The following THSD7A variants were observed in gnomAD, a reference collection of about 807,000 sequenced individuals.
THSD7A encodes the protein thrombospondin type 1 domain containing 7A.
Under a neutral mutation model 231.3 loss-of-function variants are expected in THSD7A, and 96 were observed. The ratio of observed to expected loss-of-function variants is 0.41; its 90% CI spans 0.35 to 0.49. THSD7A has a LOEUF of 0.49. Among genes scored for constraint, THSD7A ranks in the 20% least tolerant of loss-of-function variants. The pLI is 0.05. For missense variants in THSD7A, 2,290 were observed against 2,070.2 expected (o/e 1.11, Z -2.06); for synonymous variants, 940 against 743.3 (o/e 1.26, Z -4.30).
chr7:11,663,583 A>G (rs753330506), intron 1 of THSD7A, among the ~76,000 whole-genome samples: 2 of 151,686 alleles, frequency 1.3e-5, no homozygotes, highest in African/African-American at 4.8e-5. Context: ...CTGAGAAGAC[A>G]TATTACAAGG....
At chr7:11,638,174 T>C (rs934311934) in intron 1 of THSD7A, among the ~76,000 whole-genome samples, 1 of 152,194 alleles carries the variant, frequency 6.6e-6, no homozygotes, top group Non-Finnish European at 1.5e-5. Context: ...TAAGATTATG[T>C]CTGCAAGAGG....
chr7:11,667,757 T>C (rs938827594), intron 1 of THSD7A, among the ~76,000 whole-genome samples: 1 of 152,162 alleles, frequency 6.6e-6, no homozygotes, highest in Non-Finnish European at 1.5e-5. Context: ...ATCATGATTC[T>C]TTCAGAATCC....
chr7:11,596,561 C>A (rs1019653308), intron 2 of THSD7A, among the ~76,000 whole-genome samples: 1 of 152,152 alleles, frequency 6.6e-6, no homozygotes, highest in Admixed American at 6.5e-5. Flanking sequence ...AAACGGAAGC[C>A]ATTAGAGCTG....
At chr7:11,799,964 A>G (rs1379687446) in intron 1 of THSD7A, among the ~76,000 whole-genome samples, 1 of 152,210 alleles carries the variant, frequency 6.6e-6, no homozygotes, top group Non-Finnish European at 1.5e-5. Flanking sequence ...CACATTTAAA[A>G]ATAACATAGA....
At position 11,426,587 on chromosome 7, in the gene THSD7A, G is replaced by A; in HGVS notation, c.3249+79C>T. 3.6e-6 allele frequency: 5 copies of A among 1,389,110 alleles called. No homozygotes were observed. The East Asian group carries it at 1.3e-4, about 35-fold the overall frequency. 86.0% of individuals were successfully genotyped at this position (1,389,110 alleles called of 1,614,324 possible). ...TAAAACATAAAAGACAAAGCAAGAA[G>A]AGAAATGTATTCTCAGAAATCAGGA... is the stretch of plus-strand genomic sequence containing the variant. On this transcript the variant is annotated intron_variant, in intron 15 of 27. Transcript: ENST00000423059.
rs149206873 is a variant in THSD7A at position 11,753,239 on chromosome 7, A to G, written c.190+78518T>C. ...GCTTATATGAAAATTATTGTTTTCC[A>G]CTGAATGTGATGATCTTTAAAATTA... On this transcript the variant is annotated intron_variant, in intron 1 of 27. Transcript: ENST00000423059. Among the ~76,000 whole-genome samples, 963 of 152,174 alleles carry G rather than the reference A, an allele frequency of 6.3e-3. 9 individuals are homozygous for G. The highest frequency in any genetic ancestry group is 0.022 in the African/African-American group (921 of 41,540).
chr7:11,429,932 T>C (rs1307279168), intron 13 of THSD7A, among the ~76,000 whole-genome samples: 1 of 152,252 alleles, frequency 6.6e-6, no homozygotes. Flanking sequence ...GGGAGTATTT[T>C]CTTTCAATAC....
At chr7:11,752,306 T>G (rs914945643) in intron 1 of THSD7A, among the ~76,000 whole-genome samples, 1 of 152,032 alleles carries the variant, frequency 6.6e-6, no homozygotes, top group African/African-American at 2.4e-5. Context: ...TATTTTTCCA[T>G]GCCTCGACAT....
intron 4 of THSD7A, among the ~76,000 whole-genome samples, chr7:11,583,420 G>T (rs548576138): frequency 6.6e-6 from 1 of 152,160 alleles, no homozygotes; most frequent in African/African-American, 2.4e-5. Context: ...GGGACTACAG[G>T]TGCATGCCAT....
At chr7:11,443,533 A>G (rs2128293705) in intron 13 of THSD7A, among the ~76,000 whole-genome samples, 1 of 152,162 alleles carries the variant, frequency 6.6e-6, no homozygotes, top group Non-Finnish European at 1.5e-5. Flanking sequence ...TCAGCAATGC[A>G]TGTATATTAA....
intron 1 of THSD7A, among the ~76,000 whole-genome samples, chr7:11,824,036 A>T (rs1276027813): frequency 6.6e-6 from 1 of 152,126 alleles, no homozygotes; most frequent in Non-Finnish European, 1.5e-5. Flanking sequence ...TACTGTGACA[A>T]CATTTAATGC....
At chr7:11,449,637 T>C (rs777782706) in intron 11 of THSD7A, among the ~76,000 whole-genome samples, 1 of 151,986 alleles carries the variant, frequency 6.6e-6, no homozygotes, top group Non-Finnish European at 1.5e-5. Flanking sequence ...AGAACATCCA[T>C]ATAGTTTAGA....
chr7:11,416,468 A>G lies in THSD7A; in HGVS notation c.3537+982T>C, dbSNP rs78208269. Among the ~76,000 whole-genome samples, 13 of 152,358 alleles carry G rather than the reference A, an allele frequency of 8.5e-5. No homozygotes were observed. In the East Asian group the frequency reaches 1.5e-3, roughly 18 times the overall value. ...CTGATCCTTTGAAATTAGAACAGAA[A>G]ATCAATTGTATATCCTTGTGAAACA... On this transcript the variant is annotated intron_variant, in intron 17 of 27. Coordinates refer to ENST00000423059, the MANE Select transcript of THSD7A (RefSeq NM_015204.3).
Position 11,814,341 on chromosome 7 carries a change from G to C in THSD7A, c.190+17416C>G. Reference sequence around the variant, plus strand: ...GATGGCAATCCCAAGTATTCAGCACGTGACAAACAAAGGAGATTCATCTCA... The same window carrying C: ...GATGGCAATCCCAAGTATTCAGCACCTGACAAACAAAGGAGATTCATCTCA... On this transcript the variant is annotated intron_variant, in intron 1 of 27. Coordinates refer to ENST00000423059, the MANE Select transcript of THSD7A (RefSeq NM_015204.3). This position sits in a 1 kb window ranked among gnomAD's most constrained non-coding sequence, Gnocchi z 5.1. Among the ~76,000 whole-genome samples, 1 of 152,288 alleles carries C rather than the reference G, an allele frequency of 6.6e-6. No homozygotes were observed. The highest frequency in any genetic ancestry group is 1.9e-4 in the East Asian group (1 of 5,178).
chr7:11,384,764 G>C (rs1388698014), intron 23 of THSD7A: 1 of 151,902 alleles, frequency 6.6e-6, no homozygotes, highest in Admixed American at 6.6e-5. Flanking sequence ...ATAAAGCCAT[G>C]TAAGTCCCTT....
intron 1 of THSD7A, among the ~76,000 whole-genome samples, chr7:11,786,628 T>TTTTTTTTTTTTTTTTG (rs1562555257): frequency 6.6e-6 from 1 of 151,802 alleles, no homozygotes; most frequent in African/African-American, 2.4e-5. Context: ...TCTAACTTCT[T>TTTTTTTTTTTTTTTTG]AACGGAATAA....
rs553358198 is a variant in THSD7A at position 11,817,543 on chromosome 7, C to T, written c.190+14214G>A. 4.6e-5 allele frequency among the ~76,000 whole-genome samples: 7 copies of T among 152,154 alleles called. No homozygotes were observed. In the South Asian group the frequency reaches 1.2e-3, roughly 27 times the overall value. ...GAAGCTTGACATTCATATGCAGATC[C>T]AAGGAGGAAGAGGAATCAAAGTAAA... On this transcript the variant is annotated intron_variant, in intron 1 of 27. Coordinates refer to ENST00000423059, the MANE Select transcript of THSD7A (RefSeq NM_015204.3).
At chr7:11,667,638 G>A (rs1052879376) in intron 1 of THSD7A, among the ~76,000 whole-genome samples, 6 of 152,120 alleles carry the variant, frequency 3.9e-5, no homozygotes, top group Non-Finnish European at 5.9e-5. Flanking sequence ...TCTGATGAAG[G>A]AGAGGTTCTT....
intron 4 of THSD7A, among the ~76,000 whole-genome samples, chr7:11,545,101 A>C (rs1789323319): frequency 6.6e-6 from 1 of 152,170 alleles, no homozygotes; most frequent in South Asian, 2.1e-4. Flanking sequence ...TCTTTTAAAG[A>C]CATGTATAGG....
Sources: allele counts gnomAD v4.1 joint callset (sites outside exome capture counted in the v4.1 genomes callset), GRCh38; gene constraint gnomAD v4.1.1; non-coding constraint Gnocchi (gnomAD v3.1); transcripts MANE v1.5; gene names NCBI Gene and HGNC (gene_info 2026-07-23, HGNC 2026-07-21).